INTS12: variants seen among roughly 807,000 people sequenced by gnomAD.
The protein encoded by INTS12 is PHD finger protein 22.
In INTS12, 13 loss-of-function variants were observed where a neutral mutation model predicts 41.6. The observed-to-expected ratio is 0.31, with a 90% CI of 0.20 to 0.50. The LOEUF (loss-of-function observed/expected upper bound fraction) is 0.50. INTS12 is among the 20% of genes least tolerant of loss of function. The pLI, the probability that INTS12 is intolerant of heterozygous loss-of-function variation, is 0.98. For synonymous variants in INTS12, 199 were observed against 191.4 expected (o/e 1.04, Z -0.33); for missense variants, 432 against 541.6 (o/e 0.80, Z 2.01).
intron 2 of INTS12, chr4:105,702,951 T>G: frequency 1.0e-6 from 1 of 985,040 alleles, no homozygotes; most frequent in Non-Finnish European, 1.2e-6. Context: ...CCGGCAAATA[T>G]CCATATAGTG....
In INTS12 at chr4:105,682,723, C is replaced by T. The variant is rs1731355573; in HGVS notation, c.*10G>A. 6.2e-7 allele frequency: 1 copy of T among 1,606,720 alleles called. No homozygotes were observed. Among genetic ancestry groups the T allele is most frequent in the Non-Finnish European group, 8.5e-7 (1 of 1,174,154 alleles). On this transcript the variant is annotated 3_prime_UTR_variant, in exon 8 of 8. Coordinates refer to ENST00000340139, the MANE Select transcript of INTS12 (RefSeq NM_020395.4). Reference sequence around the variant, plus strand: ...TAGGCTAATATGATACAAAAACCTACTTGGCCACATTACTTCTTGAGTTTC... The same window carrying T: ...TAGGCTAATATGATACAAAAACCTATTTGGCCACATTACTTCTTGAGTTTC...
At chr4:105,702,927 C>T in intron 2 of INTS12, 1 of 985,192 alleles carries the variant, frequency 1.0e-6, no homozygotes, top group Non-Finnish European at 1.2e-6. Context: ...ATCTCTGTTA[C>T]TTTTCCTTCC....
chr4:105,706,318 G>A (rs909116351), intron 1 of INTS12: 1 of 145,294 alleles, frequency 6.9e-6, no homozygotes, highest in African/African-American at 2.6e-5. Context: ...AGTGCACTGA[G>A]ATCATGGCTC....
At chr4:105,698,167 C>T (rs749701049) in intron 3 of INTS12, among the ~76,000 whole-genome samples, 3 of 152,308 alleles carry the variant, frequency 2.0e-5, no homozygotes, top group Non-Finnish European at 4.4e-5. Flanking sequence ...TAGTTGTTGA[C>T]GGATGAGTTA....
rs1731511675 is a variant in INTS12, at chr4:105,686,796, C to T, written c.700G>A (p.Val234Ile). The T allele has an allele frequency of 6.2e-7, 1 of 1,613,732 alleles. No individual in the cohort carries two copies. Among genetic ancestry groups the T allele is most frequent in the Admixed American group, 1.7e-5 (1 of 59,996 alleles). Residue 234 changes from valine (V) to isoleucine (I), a missense_variant, in exon 7 of 8, where the codon GTT becomes ATT. By Grantham distance (29) the Val-to-Ile change is conservative. Coordinates refer to ENST00000340139, the MANE Select transcript of INTS12 (RefSeq NM_020395.4). Reference protein sequence around the residue: ...QKPPQKPAPAVVSVTPAVKDP... With the variant: ...QKPPQKPAPAIVSVTPAVKDP... Reference sequence around the variant, plus strand: ...TTGACAGCTGGAGTTACAGAAACAACTGCAGGGGCTGGTTTCTGCGGTGGT... The same window carrying T: ...TTGACAGCTGGAGTTACAGAAACAATTGCAGGGGCTGGTTTCTGCGGTGGT...
intron 7 of INTS12, among the ~76,000 whole-genome samples, chr4:105,685,069 A>G (rs1207493495): frequency 6.6e-6 from 1 of 152,146 alleles, no homozygotes; most frequent in East Asian, 1.9e-4. Flanking sequence ...CAGTGTAGAA[A>G]ACAAATTTCT....
At chr4:105,702,227 A>C (rs1276483776) in intron 2 of INTS12, among the ~76,000 whole-genome samples, 1 of 133,590 alleles carries the variant, frequency 7.5e-6, no homozygotes, top group African/African-American at 2.9e-5. Context: ...GCTCCGCCTC[A>C]CGGGTTCATG....
At chr4:105,693,598 T>G (rs78988212) in intron 4 of INTS12, 112 bp from the exon 5 acceptor site, 12,480 of 766,836 alleles carry the variant, frequency 0.016, 686 homozygotes, top group African/African-American at 0.14. Flanking sequence ...ATTTTACAGA[T>G]ATATTCACAT....
intron 3 of INTS12, among the ~76,000 whole-genome samples, chr4:105,697,279 A>G (rs1046072985): frequency 6.6e-6 from 1 of 152,214 alleles, no homozygotes; most frequent in Admixed American, 6.5e-5. Context: ...CCTCCCCCAA[A>G]AGGAGGGCAC....
At position 105,682,966 on chromosome 4, in the gene INTS12, CT is replaced by C; in HGVS notation, c.1155del (p.Gly386ValfsTer8). On this transcript the variant is annotated frameshift_variant, in exon 8 of 8. Transcript: ENST00000340139. LOFTEE classifies it high-confidence loss of function. ...RSVSCDNVSK[V>X]GLPSPSSLVP... is the part of the protein sequence containing the mutation. ...ACTAAACTACTTGGACTAGGAAGACCTACTTTGCTGACATTGTCACAACTAA... is the reference window on the plus strand; with the variant it reads ...ACTAAACTACTTGGACTAGGAAGACCACTTTGCTGACATTGTCACAACTAA... 6.2e-7 allele frequency: 1 copy of C among 1,614,100 alleles called. No individual in the cohort carries two copies. The highest frequency in any genetic ancestry group is 8.5e-7 in the Non-Finnish European group (1 of 1,179,970).
At chr4:105,693,710 C>A (rs972507756) in intron 4 of INTS12, among the ~76,000 whole-genome samples, 4 of 152,100 alleles carry the variant, frequency 2.6e-5, no homozygotes, top group African/African-American at 9.7e-5. Flanking sequence ...TAAATCAGAA[C>A]AGTTTAACAA....
chr4:105,686,600 A>G, intron 7 of INTS12, 92 bp downstream of exon 7: 1 of 920,954 alleles, frequency 1.1e-6, no homozygotes, highest in Non-Finnish European at 1.6e-6. Context: ...TTTAGTATAT[A>G]AAGTTTCTCA....
At chr4:105,685,872 T>C (rs1457272471) in intron 7 of INTS12, among the ~76,000 whole-genome samples, 1 of 152,080 alleles carries the variant, frequency 6.6e-6, no homozygotes, top group Non-Finnish European at 1.5e-5. Context: ...CTAGACAATG[T>C]GGTCCCTTGG....
At chr4:105,694,345 A>G (rs77125802) in intron 4 of INTS12, among the ~76,000 whole-genome samples, 3 of 152,302 alleles carry the variant, frequency 2.0e-5, no homozygotes, top group East Asian at 1.9e-4. Context: ...TTTTTTTTTA[A>G]GACAGAGTCT....
intron 1 of INTS12, among the ~76,000 whole-genome samples, chr4:105,704,198 A>C (rs1021155347): frequency 6.6e-6 from 1 of 152,082 alleles, no homozygotes; most frequent in Admixed American, 6.5e-5. Context: ...CCACTATTCC[A>C]TGAAAATGCT....
At chr4:105,691,847 TATAA>T (rs1731698017) in intron 6 of INTS12, 125 bp downstream of exon 6, 4 of 641,064 alleles carry the variant, frequency 6.2e-6, no homozygotes, top group South Asian at 2.9e-5. Context: ...ATACTATACA[TATAA>T]ATAAATAATC....
At chr4:105,707,091 G>A (rs1732300910) in intron 1 of INTS12, among the ~76,000 whole-genome samples, 1 of 152,068 alleles carries the variant, frequency 6.6e-6, no homozygotes, top group Admixed American at 6.5e-5. Context: ...CCCCAGATCT[G>A]CCTTATAGCT....
At chr4:105,704,701 C>T (rs985300020) in intron 1 of INTS12, among the ~76,000 whole-genome samples, 4 of 152,170 alleles carry the variant, frequency 2.6e-5, no homozygotes, top group African/African-American at 9.7e-5. Context: ...TACACTATTC[C>T]CTTTTCTCCT....
intron 1 of INTS12, among the ~76,000 whole-genome samples, chr4:105,707,161 T>C (rs1023632182): frequency 1.3e-5 from 2 of 152,084 alleles, no homozygotes; most frequent in African/African-American, 4.8e-5. Context: ...TTTTTATATA[T>C]CTACATCCTA....
Sources: gnomAD v4.1 joint callset for allele counts (sites outside exome capture counted in the v4.1 genomes callset) on GRCh38, gnomAD v4.1.1 for gene constraint, MANE v1.5 for transcripts, NCBI Gene and HGNC (gene_info 2026-07-23, HGNC 2026-07-21) for gene names.